Variants in FHIT observed in about 807,000 individuals in gnomAD.
FHIT encodes the protein bis(5'-adenosyl)-triphosphatase.
Under a neutral mutation model 17.9 loss-of-function variants are expected in FHIT, and 19 were observed. The ratio of observed to expected loss-of-function variants is 1.06; its 90% CI spans 0.74 to 1.56. The LOEUF (loss-of-function observed/expected upper bound fraction) is 1.56. FHIT is among the 40% of genes most tolerant of loss of function. The pLI, the probability that FHIT is intolerant of heterozygous loss-of-function variation, is 0.00. For synonymous variants in FHIT, 81 were observed against 69.7 expected (o/e 1.16, Z -0.81); for missense variants, 248 against 189.2 (o/e 1.31, Z -1.82).
intron 8 of FHIT, among the ~76,000 whole-genome samples, chr3:59,845,776 T>C (rs1223594316): frequency 6.6e-6 from 1 of 152,182 alleles, no homozygotes; most frequent in Non-Finnish European, 1.5e-5. Context: ...TTGGCATGTA[T>C]CTGTTAGATC....
chr3:60,583,217 G>T (rs1446802886), intron 4 of FHIT, among the ~76,000 whole-genome samples: 2 of 151,800 alleles, frequency 1.3e-5, no homozygotes, highest in Non-Finnish European at 2.9e-5. Flanking sequence ...AACTGTTTTT[G>T]GTTCCTCTTC....
chr3:59,831,405 C>T (rs960848487), intron 8 of FHIT, among the ~76,000 whole-genome samples: 3 of 152,108 alleles, frequency 2.0e-5, no homozygotes, highest in Non-Finnish European at 2.9e-5. Context: ...AGACTATTAT[C>T]TCCTTTTGAT....
intron 5 of FHIT, among the ~76,000 whole-genome samples, chr3:60,122,118 A>G (rs1158368677): frequency 6.6e-6 from 1 of 152,088 alleles, no homozygotes; most frequent in Non-Finnish European, 1.5e-5. Flanking sequence ...AACTAAAAAA[A>G]AACGCCTAGA....
At chr3:60,867,545 G>C (rs782720720) in intron 3 of FHIT, among the ~76,000 whole-genome samples, 3 of 152,138 alleles carry the variant, frequency 2.0e-5, no homozygotes, top group Non-Finnish European at 4.4e-5. Context: ...TACTATTACA[G>C]ATACTACTTG....
intron 5 of FHIT, among the ~76,000 whole-genome samples, chr3:60,155,020 T>C (rs191629620): frequency 4.0e-5 from 6 of 151,852 alleles, no homozygotes; most frequent in Admixed American, 3.9e-4. Context: ...GGCAACATAG[T>C]GAGATCCCAG....
chr3:59,842,988 A>G (rs1045049115), intron 8 of FHIT, among the ~76,000 whole-genome samples: 23 of 152,118 alleles, frequency 1.5e-4, no homozygotes, highest in African/African-American at 5.3e-4. Flanking sequence ...GCCAAATAAA[A>G]TATCATGAGG....
At chr3:60,894,537 C>T (rs1705688366) in intron 3 of FHIT, among the ~76,000 whole-genome samples, 1 of 152,078 alleles carries the variant, frequency 6.6e-6, no homozygotes, top group Admixed American at 6.6e-5. Flanking sequence ...ATTTGGGTGA[C>T]AGCATTAAAG....
In FHIT at chr3:59,916,882, A is replaced by G. The variant is rs568002729; in HGVS notation, c.348+5464T>C. ...TATCTTATTCTGAGTGAGAGACACC[A>G]AAGTTTTCATTCCAAAATTCTGAAA... On this transcript the variant is annotated intron_variant, in intron 8 of 9. Transcript: ENST00000492590. Among the ~76,000 whole-genome samples the G allele has an allele frequency of 2.0e-5, 3 of 152,360 alleles. No homozygotes were observed. The South Asian group carries it at 6.2e-4, about 32-fold the overall frequency.
intron 5 of FHIT, among the ~76,000 whole-genome samples, chr3:60,232,375 A>T (rs1704540356): frequency 6.6e-6 from 1 of 152,150 alleles, no homozygotes; most frequent in African/African-American, 2.4e-5. Flanking sequence ...GAACAGGAGC[A>T]ATTTCTTCCA....
At chr3:61,110,415 A>G (rs1312047994) in intron 2 of FHIT, among the ~76,000 whole-genome samples, 2 of 152,076 alleles carry the variant, frequency 1.3e-5, no homozygotes, top group Non-Finnish European at 2.9e-5. Flanking sequence ...CTAAGGCAGC[A>G]CACAAGCCAG....
intron 5 of FHIT, among the ~76,000 whole-genome samples, chr3:60,215,290 G>C (rs373666232): frequency 2.0e-4 from 31 of 152,256 alleles, no homozygotes; most frequent in East Asian, 5.8e-4. Flanking sequence ...AGGACTTCGA[G>C]ACCAGCCTGG....
intron 5 of FHIT, among the ~76,000 whole-genome samples, chr3:60,364,938 T>C (rs376227167): frequency 1.3e-5 from 2 of 152,222 alleles, no homozygotes; most frequent in African/African-American, 4.8e-5. Context: ...AATCATACCA[T>C]AGGCTTTCTT....
intron 5 of FHIT, among the ~76,000 whole-genome samples, chr3:60,064,907 T>C (rs34267930): frequency 0.23 from 35,080 of 151,984 alleles, 4,632 homozygotes; most frequent in African/African-American, 0.35. Context: ...TCCCATTGCA[T>C]ATGAAGAAAT....
At chr3:60,387,416 A>C (rs1387658000) in intron 5 of FHIT, among the ~76,000 whole-genome samples, 1 of 152,198 alleles carries the variant, frequency 6.6e-6, no homozygotes, top group African/African-American at 2.4e-5. Flanking sequence ...CGAACTGATC[A>C]AAATAAATGT....
At chr3:60,863,192 C>T (rs1318425562) in intron 3 of FHIT, among the ~76,000 whole-genome samples, 1 of 152,052 alleles carries the variant, frequency 6.6e-6, no homozygotes, top group African/African-American at 2.4e-5. Flanking sequence ...CAGAAAGAGG[C>T]CTGAGGGAGC....
At chr3:61,000,678 G>C (rs1017876651) in intron 3 of FHIT, among the ~76,000 whole-genome samples, 2 of 152,180 alleles carry the variant, frequency 1.3e-5, no homozygotes, top group African/African-American at 4.8e-5. Context: ...AGCACTTGAG[G>C]GACAACAACC....
intron 4 of FHIT, chr3:60,616,695 A>T (rs2038961777): frequency 6.6e-6 from 1 of 152,234 alleles, no homozygotes; most frequent in African/African-American, 2.4e-5. Context: ...GAAAAAGGAA[A>T]GCTATCCACA....
chr3:60,369,493 G>A (rs1243156965), intron 5 of FHIT, among the ~76,000 whole-genome samples: 2 of 152,124 alleles, frequency 1.3e-5, no homozygotes, highest in African/African-American at 4.8e-5. Context: ...AATTATGAAT[G>A]ATATATCCCA....
intron 8 of FHIT, among the ~76,000 whole-genome samples, chr3:59,883,076 TG>T (rs1703475422): frequency 6.6e-6 from 1 of 152,190 alleles, no homozygotes; most frequent in African/African-American, 2.4e-5. Flanking sequence ...GTGTGAGAGC[TG>T]GTTTGTACCA....
Sources: allele counts gnomAD v4.1 joint callset (sites outside exome capture counted in the v4.1 genomes callset), GRCh38; gene constraint gnomAD v4.1.1; transcripts MANE v1.5; gene names NCBI Gene and HGNC (gene_info 2026-07-23, HGNC 2026-07-21).